Variants in AGBL4 observed in about 807,000 individuals in gnomAD.
AGBL4 encodes cytosolic carboxypeptidase 6.
Under a neutral mutation model 66.4 loss-of-function variants are expected in AGBL4, and 58 were observed. The ratio of observed to expected loss-of-function variants is 0.87; its 90% CI spans 0.71 to 1.09. The LOEUF (loss-of-function observed/expected upper bound fraction) is 1.09. Among genes scored for constraint, AGBL4 ranks in the 50% least tolerant of loss-of-function variants. The probability of loss-of-function intolerance (pLI) is 0.00; values close to 1 mark genes in which losing one functional copy is unlikely to be tolerated. For missense variants in AGBL4, 579 were observed against 631.0 expected, an observed-to-expected ratio of 0.92 and a Z score of 0.88; for synonymous variants, 234 against 222.9, an observed-to-expected ratio of 1.05 and a Z score of -0.44.
intron 4 of AGBL4, among the ~76,000 whole-genome samples, chr1:49,134,429 C>A (rs1394437117): frequency 1.3e-5 from 2 of 151,118 alleles, no homozygotes; most frequent in African/African-American, 4.9e-5. Flanking sequence ...TTCTCCCTAT[C>A]TACAACTGCA....
At chr1:49,785,003 A>T (rs1045992933) in intron 2 of AGBL4, among the ~76,000 whole-genome samples, 1 of 152,060 alleles carries the variant, frequency 6.6e-6, no homozygotes, top group Non-Finnish European at 1.5e-5. Context: ...TAAACCTAAC[A>T]TGCAGAGTAA....
At chr1:49,558,261 A>G (rs2148849461) in intron 3 of AGBL4, among the ~76,000 whole-genome samples, 1 of 152,142 alleles carries the variant, frequency 6.6e-6, no homozygotes, top group East Asian at 1.9e-4. Flanking sequence ...AATAAAGGGG[A>G]CTTTGCCTTG....
At chr1:49,716,508 A>G (rs1408579418) in intron 2 of AGBL4, among the ~76,000 whole-genome samples, 2 of 152,082 alleles carry the variant, frequency 1.3e-5, no homozygotes, top group Non-Finnish European at 1.5e-5. Context: ...TAGTAGCTTG[A>G]TGGAGATAAC....
intron 5 of AGBL4, among the ~76,000 whole-genome samples, chr1:49,007,428 AT>A (rs1169326384): frequency 6.6e-6 from 1 of 150,406 alleles, no homozygotes; most frequent in Non-Finnish European, 1.5e-5. Context: ...GACGGGGAGA[AT>A]GGAACCAAGT....
intron 1 of AGBL4, among the ~76,000 whole-genome samples, chr1:49,906,828 C>T (rs145871182): frequency 6.6e-6 from 1 of 152,098 alleles, no homozygotes; most frequent in Non-Finnish European, 1.5e-5. Flanking sequence ...AAGCTTAGGA[C>T]ACAGGCAATA....
At chr1:49,198,197 C>T (rs541689687) in intron 4 of AGBL4, among the ~76,000 whole-genome samples, 2 of 152,202 alleles carry the variant, frequency 1.3e-5, no homozygotes, top group Admixed American at 1.3e-4. Flanking sequence ...GCTTCACTCG[C>T]AGTTTTCTGC....
chr1:49,113,020 C>T (rs1006098079), intron 4 of AGBL4, among the ~76,000 whole-genome samples: 56 of 151,330 alleles, frequency 3.7e-4, no homozygotes, highest in African/African-American at 1.3e-3. Flanking sequence ...GGCGCAATCT[C>T]GGCTCACTGC....
At chr1:48,897,794 A>T (rs1651669122) in intron 5 of AGBL4, among the ~76,000 whole-genome samples, 3 of 138,418 alleles carry the variant, frequency 2.2e-5, no homozygotes, top group Admixed American at 7.4e-5. Context: ...GTCTGTTCGG[A>T]TCTTTTGCCC....
chr1:49,987,855 T>C (rs866009585), intron 1 of AGBL4, among the ~76,000 whole-genome samples: 1 of 151,948 alleles, frequency 6.6e-6, no homozygotes, highest in African/African-American at 2.4e-5. Context: ...TTAAAAACAA[T>C]TGTAGGTAAA....
chr1:48,847,023 G>A (rs551328224), intron 6 of AGBL4, among the ~76,000 whole-genome samples: 1 of 152,240 alleles, frequency 6.6e-6, no homozygotes, highest in East Asian at 1.9e-4. Context: ...GAACTTGGCT[G>A]GGCCTGGTGG....
chr1:49,867,542 A>C (rs982743385), intron 1 of AGBL4, among the ~76,000 whole-genome samples: 3 of 126,020 alleles, frequency 2.4e-5, no homozygotes, highest in South Asian at 2.4e-4. Context: ...TCCTGTGTCC[A>C]AGTGTTCTTA....
intron 3 of AGBL4, among the ~76,000 whole-genome samples, chr1:49,496,271 T>C (rs1455587144): frequency 6.6e-6 from 1 of 152,026 alleles, no homozygotes; most frequent in Admixed American, 6.6e-5. Flanking sequence ...TTGGCAAAAA[T>C]ATTGTATACA....
At chr1:49,034,643 C>T (rs1367128462) in intron 5 of AGBL4, among the ~76,000 whole-genome samples, 1 of 152,090 alleles carries the variant, frequency 6.6e-6, no homozygotes, top group African/African-American at 2.4e-5. Context: ...GGTGGCTACC[C>T]TTATGCTGTT....
chr1:49,951,010 C>T (rs970865171), intron 1 of AGBL4, among the ~76,000 whole-genome samples: 6 of 151,348 alleles, frequency 4.0e-5, no homozygotes, highest in Non-Finnish European at 8.8e-5. Context: ...CAGGATCACA[C>T]TTATATGTAG....
chr1:49,731,357 A>C (rs1235440680), intron 2 of AGBL4, among the ~76,000 whole-genome samples: 2 of 152,176 alleles, frequency 1.3e-5, no homozygotes, highest in Non-Finnish European at 2.9e-5. Flanking sequence ...CAGAATCCTG[A>C]CTGATATAGT....
At chr1:49,786,649 C>A (rs540922243) in intron 2 of AGBL4, among the ~76,000 whole-genome samples, 4 of 152,092 alleles carry the variant, frequency 2.6e-5, no homozygotes, top group Non-Finnish European at 5.9e-5. Flanking sequence ...TGTATCTTTA[C>A]CTAAGATGAT....
At chr1:49,851,273 T>G in intron 2 of AGBL4, 123 bp downstream of exon 2, 1 of 1,130,832 alleles carries the variant, frequency 8.8e-7, no homozygotes, top group Non-Finnish European at 1.2e-6. Flanking sequence ...CCATAAAACT[T>G]GTCCCATTAT....
At chr1:49,432,277 A>G (rs981686676) in intron 3 of AGBL4, among the ~76,000 whole-genome samples, 1 of 152,226 alleles carries the variant, frequency 6.6e-6, no homozygotes, top group African/African-American at 2.4e-5. Context: ...ACACGTAGAC[A>G]TATAGCTTAG....
chr1:49,553,495 C>T (rs572983450), intron 3 of AGBL4, among the ~76,000 whole-genome samples: 1 of 152,278 alleles, frequency 6.6e-6, no homozygotes, highest in African/African-American at 2.4e-5. Context: ...TTTTGTTCAT[C>T]TTTTCTTAGT....
Sources: allele counts gnomAD v4.1 joint callset (sites outside exome capture counted in the v4.1 genomes callset), GRCh38; gene constraint gnomAD v4.1.1; transcripts MANE v1.5; gene names NCBI Gene and HGNC (gene_info 2026-07-23, HGNC 2026-07-21).